NCK2: variants seen among roughly 807,000 people sequenced by gnomAD.
NCK2 encodes the protein NCK adaptor protein 2.
Under a neutral mutation model 33.9 loss-of-function variants are expected in NCK2, and 16 were observed. The observed-to-expected ratio is 0.47, with a 90% CI of 0.32 to 0.72. NCK2 has a LOEUF of 0.72. Ranked by LOEUF, NCK2 falls within the 30% of genes least tolerant of loss-of-function variation. The pLI is 0.03. For missense variants in NCK2, 418 were observed against 537.3 expected (o/e 0.78, Z 2.19); for synonymous variants, 273 against 239.9 (o/e 1.14, Z -1.27).
At position 105,888,795 on chromosome 2, in the gene NCK2, C is replaced by T. The variant is rs116034741; in HGVS notation, c.949-4187C>T. ...CTGTCATGTTGAGAGTACATTCAGG[C>T]AGCCCTACAGAGCCCCCTAGGGGTT... On this transcript the variant is annotated intron_variant, in intron 4 of 4. Coordinates refer to ENST00000233154, the MANE Select transcript of NCK2 (RefSeq NM_003581.5). 8.5e-3 allele frequency among the ~76,000 whole-genome samples: 1,288 copies of T among 152,290 alleles called. 11 individuals are homozygous for T. The highest frequency in any genetic ancestry group is 0.013 in the Non-Finnish European group (888 of 68,018).
Position 105,879,234 on chromosome 2 carries a change from T to C in NCK2, c.227-2094T>C, listed in dbSNP as rs865887319. Among the ~76,000 whole-genome samples, 16 of 152,268 alleles carry C rather than the reference T, an allele frequency of 1.1e-4. 1 individual carries two copies. The highest frequency in any genetic ancestry group is 6.5e-5 in the Admixed American group (1 of 15,288). On this transcript the variant is annotated intron_variant, in intron 3 of 4. Transcript: ENST00000233154. ...CAATGTTATTTCTTGACATCATTGTTGCCAATAAAAGTTGGCCTCAGCGTA... is the reference window on the plus strand; with the variant it reads ...CAATGTTATTTCTTGACATCATTGTCGCCAATAAAAGTTGGCCTCAGCGTA...
At chr2:105,789,686 G>T (rs1573595288) in intron 1 of NCK2, among the ~76,000 whole-genome samples, 1 of 152,220 alleles carries the variant, frequency 6.6e-6, no homozygotes, top group African/African-American at 2.4e-5. Context: ...ATCTGCTGGT[G>T]AGGACCTTGC....
intron 3 of NCK2, among the ~76,000 whole-genome samples, chr2:105,880,117 C>T (rs75007824): frequency 0.011 from 1,655 of 152,300 alleles, 25 homozygotes; most frequent in African/African-American, 0.037. Flanking sequence ...GCTTTTCTAG[C>T]ATTTTTCCTC....
chr2:105,823,184 G>T (rs1675813751), intron 2 of NCK2, among the ~76,000 whole-genome samples: 2 of 150,166 alleles, frequency 1.3e-5, no homozygotes, highest in African/African-American at 2.5e-5. Context: ...CACAATGGAG[G>T]GGGTGTTGTA....
intron 4 of NCK2, among the ~76,000 whole-genome samples, chr2:105,890,375 C>T (rs992330929): frequency 2.0e-5 from 3 of 152,184 alleles, no homozygotes; most frequent in African/African-American, 4.8e-5. Flanking sequence ...CATACTGCCT[C>T]CACTAAAAAT....
chr2:105,797,447 A>T (rs980446632), intron 1 of NCK2, among the ~76,000 whole-genome samples: 1 of 152,178 alleles, frequency 6.6e-6, no homozygotes, highest in Non-Finnish European at 1.5e-5. Context: ...TCTAAGGGGG[A>T]AAAAACCAGT....
intron 2 of NCK2, among the ~76,000 whole-genome samples, chr2:105,827,513 A>G (rs888202176): frequency 1.3e-5 from 2 of 152,186 alleles, no homozygotes; most frequent in African/African-American, 4.8e-5. Flanking sequence ...ATATTATCTA[A>G]TTGACATTTA....
intron 2 of NCK2, chr2:105,854,053 C>G (rs1172146637): frequency 6.6e-6 from 1 of 152,180 alleles, no homozygotes; most frequent in Non-Finnish European, 1.5e-5. Context: ...GAAGAAGATT[C>G]AAAGGAATTT....
At chr2:105,780,315 G>GAA (rs1428433540) in intron 1 of NCK2, among the ~76,000 whole-genome samples, 1 of 94,222 alleles carries the variant, frequency 1.1e-5, no homozygotes, top group Non-Finnish European at 1.9e-5. Context: ...TAATATGGGA[G>GAA]AGAGATATAT....
intron 3 of NCK2, among the ~76,000 whole-genome samples, chr2:105,880,973 A>C (rs1678451551): frequency 8.4e-6 from 1 of 119,484 alleles, no homozygotes; most frequent in African/African-American, 3.0e-5. Context: ...TTTTTTGCAG[A>C]CACGGTCTCG....
chr2:105,873,188 A>G (rs1475918706), intron 3 of NCK2, among the ~76,000 whole-genome samples: 1 of 152,132 alleles, frequency 6.6e-6, no homozygotes, highest in African/African-American at 2.4e-5. Context: ...TTCCAACTTA[A>G]ATTTGACCTT....
intron 4 of NCK2, among the ~76,000 whole-genome samples, chr2:105,883,251 C>T (rs1363807060): frequency 1.3e-5 from 2 of 152,216 alleles, no homozygotes; most frequent in African/African-American, 4.8e-5. Context: ...GAATTGTTCT[C>T]ACATGACGAG....
chr2:105,769,114 A>T (rs1280894805), intron 1 of NCK2, among the ~76,000 whole-genome samples: 2 of 152,188 alleles, frequency 1.3e-5, no homozygotes, highest in Admixed American at 6.5e-5. Flanking sequence ...GCATAAGCTC[A>T]GGTGTGGTGC....
At chr2:105,856,881 C>G (rs1247563532) in intron 3 of NCK2, 1 of 152,156 alleles carries the variant, frequency 6.6e-6, no homozygotes, top group Non-Finnish European at 1.5e-5. Context: ...TCTTAATTAA[C>G]TGTGGTTACC....
At position 105,816,609 on chromosome 2, in the gene NCK2, C is replaced by T. The variant is rs1675495107; in HGVS notation, c.-21C>T. 1 of 152,162 alleles carries T rather than the reference C, an allele frequency of 6.6e-6. No individual in the cohort carries two copies. The highest frequency in any genetic ancestry group is 2.4e-5 in the African/African-American group (1 of 41,436). 9.4% of individuals were successfully genotyped at this position (152,162 alleles called of 1,614,324 possible). A position where few individuals can be genotyped will look rare whatever the true frequency, so the allele number is the denominator to read the frequency against. On this transcript the variant is annotated 5_prime_UTR_variant, in exon 2 of 5. Coordinates refer to ENST00000233154, the MANE Select transcript of NCK2 (RefSeq NM_003581.5). ...TGCCAGTCACCTCTCAACTGTGTGC[C>T]AAAGGTAAGTCTGCAGTTTTCTGCT...
At chr2:105,877,907 A>G (rs1353469358) in intron 3 of NCK2, among the ~76,000 whole-genome samples, 1 of 152,184 alleles carries the variant, frequency 6.6e-6, no homozygotes, top group Non-Finnish European at 1.5e-5. Context: ...GAAGTTGCCC[A>G]CTTTGTCACA....
chr2:105,782,107 A>G (rs190655067), intron 1 of NCK2, among the ~76,000 whole-genome samples: 3 of 152,250 alleles, frequency 2.0e-5, no homozygotes, highest in Admixed American at 2.0e-4. Flanking sequence ...TGTTCTTACT[A>G]TGACTGCGGG....
intron 1 of NCK2, among the ~76,000 whole-genome samples, chr2:105,814,329 TTTTACAC>T (rs1418815948): frequency 2.6e-5 from 4 of 152,236 alleles, no homozygotes; most frequent in Non-Finnish European, 5.9e-5. Flanking sequence ...AACCTTCACG[TTTTACAC>T]TTGAATCCCA....
At chr2:105,821,603 A>G (rs1675742681) in intron 2 of NCK2, among the ~76,000 whole-genome samples, 1 of 152,174 alleles carries the variant, frequency 6.6e-6, no homozygotes, top group Non-Finnish European at 1.5e-5. Flanking sequence ...ACATTGCCAC[A>G]TTGATTCCAC....
Sources: gnomAD v4.1 joint callset for allele counts (sites outside exome capture counted in the v4.1 genomes callset) on GRCh38, gnomAD v4.1.1 for gene constraint, MANE v1.5 for transcripts, NCBI Gene and HGNC (gene_info 2026-07-23, HGNC 2026-07-21) for gene names.